Variants in KCNH1 observed in about 807,000 individuals in gnomAD.
KCNH1 encodes the protein potassium voltage-gated channel subfamily H member 1.
In KCNH1, 27 loss-of-function variants were observed where a neutral mutation model predicts 69.2. The ratio of observed to expected loss-of-function variants is 0.39; its 90% CI spans 0.29 to 0.54. The LOEUF (loss-of-function observed/expected upper bound fraction) is 0.54. Ranked by LOEUF, KCNH1 falls within the 20% of genes least tolerant of loss-of-function variation. KCNH1 has a pLI of 0.68. For synonymous variants in KCNH1, 456 were observed against 487.7 expected (o/e 0.93, Z 0.86); for missense variants, 798 against 1,261.6 (o/e 0.63, Z 5.57).
At chr1:210,816,417 C>A (rs549044582) in intron 7 of KCNH1, among the ~76,000 whole-genome samples, 85 of 152,344 alleles carry the variant, frequency 5.6e-4, no homozygotes, top group African/African-American at 1.9e-3. Context: ...CTCATTTCAA[C>A]CAGTGTTTTA....
intron 7 of KCNH1, among the ~76,000 whole-genome samples, chr1:210,878,695 A>G (rs1473523541): frequency 6.6e-6 from 1 of 152,110 alleles, no homozygotes; most frequent in Non-Finnish European, 1.5e-5. Flanking sequence ...AAGATCTAAA[A>G]TCAATCACCT....
intron 6 of KCNH1, among the ~76,000 whole-genome samples, chr1:210,946,303 T>A (rs1166584820): frequency 6.6e-6 from 1 of 152,116 alleles, no homozygotes; most frequent in Non-Finnish European, 1.5e-5. Flanking sequence ...CCAGTCAATG[T>A]CCTGGAAGCC....
At chr1:210,701,189 A>G (rs1222555273) in intron 10 of KCNH1, among the ~76,000 whole-genome samples, 1 of 152,112 alleles carries the variant, frequency 6.6e-6, no homozygotes, top group Non-Finnish European at 1.5e-5. Context: ...TGCCCGCCTC[A>G]GCCTCCCAAA....
chr1:210,921,771 G>C (rs544251190), intron 6 of KCNH1, among the ~76,000 whole-genome samples: 5 of 152,272 alleles, frequency 3.3e-5, no homozygotes, highest in Admixed American at 3.3e-4. Flanking sequence ...TCGCATTGAA[G>C]GTGGACCCAT....
intron 5 of KCNH1, among the ~76,000 whole-genome samples, chr1:211,046,478 C>T (rs1237415264): frequency 6.6e-6 from 1 of 152,140 alleles, no homozygotes; most frequent in African/African-American, 2.4e-5. Flanking sequence ...ACTACATGCC[C>T]TACCCTGACC....
intron 5 of KCNH1, among the ~76,000 whole-genome samples, chr1:211,043,049 C>T (rs1010908943): frequency 2.0e-5 from 3 of 151,926 alleles, no homozygotes; most frequent in African/African-American, 7.3e-5. Context: ...CCTCAAGGAA[C>T]TAGAGAAACA....
chr1:210,827,536 T>G lies in KCNH1; in HGVS notation c.1463-23370A>C, dbSNP rs548890746. ...TGAGCTTTTACTATATGCTGAATAA[T>G]TATTTTAATACTTTATATTTATTGA... On this transcript the variant is annotated intron_variant, in intron 7 of 10. Transcript: ENST00000271751. Among the ~76,000 whole-genome samples the G allele has an allele frequency of 3.3e-5, 5 of 152,284 alleles. No individual in the cohort carries two copies. In the South Asian group the frequency reaches 1.0e-3, roughly 32 times the overall value.
At chr1:210,804,339 A>C (rs1684490178) in intron 7 of KCNH1, among the ~76,000 whole-genome samples, 173 bp from the exon 8 acceptor site, 2 of 152,158 alleles carry the variant, frequency 1.3e-5, no homozygotes, top group Admixed American at 1.3e-4. Context: ...TTCTGGGGGC[A>C]TGGATGCAAA....
rs142790467 is a variant in KCNH1, at chr1:210,804,685, T to C, written c.1463-519A>G. ...ATGGTGAATAAACAGTCAGACCTGGTCCTCACAGAGCAAAAAACGGAGCAG... is the reference window on the plus strand; with the variant it reads ...ATGGTGAATAAACAGTCAGACCTGGCCCTCACAGAGCAAAAAACGGAGCAG... On this transcript the variant is annotated intron_variant, in intron 7 of 10. Transcript: ENST00000271751. Among the ~76,000 whole-genome samples, 900 of 152,230 alleles carry C rather than the reference T, an allele frequency of 5.9e-3. 10 individuals carry two copies. Among genetic ancestry groups the C allele is most frequent in the African/African-American group, 0.021 (856 of 41,512 alleles).
At chr1:210,835,050 C>T (rs1051329386) in intron 7 of KCNH1, among the ~76,000 whole-genome samples, 5 of 152,192 alleles carry the variant, frequency 3.3e-5, no homozygotes, top group Non-Finnish European at 7.3e-5. Context: ...TAGGAGAGAA[C>T]TGGACTGATG....
At chr1:210,819,901 C>T (rs1558482994) in intron 7 of KCNH1, among the ~76,000 whole-genome samples, 1 of 152,172 alleles carries the variant, frequency 6.6e-6, no homozygotes, top group African/African-American at 2.4e-5. Flanking sequence ...TTGCTCTGGG[C>T]GAAGCCAGTG....
Position 210,919,761 on chromosome 1 carries a change from A to T in KCNH1, c.1341T>A (p.Asn447Lys). 1.2e-6 allele frequency: 2 copies of T among 1,614,170 alleles called. No individual in the cohort carries two copies. Among genetic ancestry groups the T allele is most frequent in the East Asian group, 4.5e-5 (2 of 44,886 alleles). The change falls in exon 7 of 11, where the codon AAT becomes AAA. Residue 447 changes from asparagine to lysine, a missense_variant. Asn to Lys is a moderately conservative substitution (Grantham distance 94). Coordinates refer to ENST00000271751, the MANE Select transcript of KCNH1 (RefSeq NM_172362.3). This position sits in a 1 kb window ranked among gnomAD's most constrained non-coding sequence, Gnocchi z 4.2. Reference protein sequence around the residue: ...SGKWEGGPSKNSVYISSLYFT... With the variant: ...SGKWEGGPSKKSVYISSLYFT... ...AATACAACGAGGAGATGTAGACAGA[A>T]TTCTTGCTGGGACCACCTTCCCACT...
At chr1:210,711,346 C>A (rs968573602) in intron 10 of KCNH1, among the ~76,000 whole-genome samples, 1 of 152,202 alleles carries the variant, frequency 6.6e-6, no homozygotes, top group East Asian at 1.9e-4. Context: ...TCTTCAGGGG[C>A]CCAAGCCAGG....
At position 210,835,991 on chromosome 1, in the gene KCNH1, G is replaced by A. The variant is rs568102029; in HGVS notation, c.1463-31825C>T. On this transcript the variant is annotated intron_variant, in intron 7 of 10. Coordinates refer to ENST00000271751, the MANE Select transcript of KCNH1 (RefSeq NM_172362.3). ...CTAAAAATACAAAAATTAGGTGGGT[G>A]TGGTGGTGCACCCCTGTAGTCCCAG... 2.1e-3 allele frequency among the ~76,000 whole-genome samples: 312 copies of A among 151,766 alleles called. 2 individuals carry two copies. The highest frequency in any genetic ancestry group is 7.2e-3 in the African/African-American group (299 of 41,410).
At chr1:210,881,606 C>T (rs1686495598) in intron 7 of KCNH1, among the ~76,000 whole-genome samples, 1 of 152,188 alleles carries the variant, frequency 6.6e-6, no homozygotes, top group Non-Finnish European at 1.5e-5. Context: ...TAGCTTTATT[C>T]ATAATTGCCA....
rs753549762 is a variant in KCNH1 at position 210,718,651 on chromosome 1, T to TATACAC, written c.2113-34514_2113-34513insGTGTAT. 2.6e-5 allele frequency among the ~76,000 whole-genome samples: 2 copies of TATACAC among 75,556 alleles called. 1 individual carries two copies. The highest frequency in any genetic ancestry group is 7.8e-4 in the South Asian group (2 of 2,556). 49.6% of individuals were successfully genotyped at this position (75,556 alleles called of 152,430 possible). A position where few individuals can be genotyped will look rare whatever the true frequency, so the allele number is the denominator to read the frequency against. On this transcript the variant is annotated intron_variant, in intron 10 of 10. Coordinates refer to ENST00000271751, the MANE Select transcript of KCNH1 (RefSeq NM_172362.3). ...ATAAATATATATATACATATATATA[T>TATACAC]ACACACACACACACACACACACACA...
At chr1:211,081,657 A>T (rs139071972) in intron 5 of KCNH1, among the ~76,000 whole-genome samples, 2,386 of 152,356 alleles carry the variant, frequency 0.016, 77 homozygotes, top group African/African-American at 0.054. Flanking sequence ...GGATGAGTTC[A>T]TGTCCTTTGC....
chr1:210,830,681 G>C (rs1313138603), intron 7 of KCNH1, among the ~76,000 whole-genome samples: 1 of 152,218 alleles, frequency 6.6e-6, no homozygotes, highest in Non-Finnish European at 1.5e-5. Flanking sequence ...TATGAAAAAT[G>C]ATGAGGTCAA....
chr1:210,789,861 C>T (rs1233097124), intron 9 of KCNH1, among the ~76,000 whole-genome samples: 4 of 152,148 alleles, frequency 2.6e-5, no homozygotes, highest in Non-Finnish European at 4.4e-5. Context: ...TTTCTAGTAT[C>T]GTTTAAAATT....
Sources: allele counts gnomAD v4.1 joint callset (sites outside exome capture counted in the v4.1 genomes callset), GRCh38; gene constraint gnomAD v4.1.1; non-coding constraint Gnocchi (gnomAD v3.1); transcripts MANE v1.5; gene names NCBI Gene and HGNC (gene_info 2026-07-23, HGNC 2026-07-21).